The following TMTC1 variants were observed in gnomAD, a reference collection of about 807,000 sequenced individuals.
The protein encoded by TMTC1 is transmembrane O-mannosyltransferase targeting cadherins 1.
In TMTC1, 73 loss-of-function variants were observed where a neutral mutation model predicts 104.8. That is an observed-to-expected ratio of 0.70 (90% CI 0.58 to 0.85). The LOEUF (loss-of-function observed/expected upper bound fraction) is 0.85, where lower values mean the gene tolerates loss of function less well. TMTC1 is among the 40% of genes least tolerant of loss of function. The probability of loss-of-function intolerance (pLI) is 0.00; values close to 1 mark genes in which losing one functional copy is unlikely to be tolerated. For synonymous variants in TMTC1, 434 were observed against 428.7 expected, an observed-to-expected ratio of 1.01 and a Z score of -0.15; for missense variants, 1,035 against 1,096.1, an observed-to-expected ratio of 0.94 and a Z score of 0.79.
intron 5 of TMTC1, among the ~76,000 whole-genome samples, chr12:29,660,434 A>AG (rs1419814844): frequency 6.6e-6 from 1 of 152,172 alleles, no homozygotes; most frequent in Non-Finnish European, 1.5e-5. Context: ...GGGCAAATAC[A>AG]GGGTTGTTAT....
chr12:29,547,357 G>A (rs756308621), intron 10 of TMTC1, among the ~76,000 whole-genome samples: 39 of 152,138 alleles, frequency 2.6e-4, no homozygotes, highest in African/African-American at 8.7e-4. Flanking sequence ...TTAAAACAAC[G>A]CAACCTCAAC....
intron 7 of TMTC1, among the ~76,000 whole-genome samples, chr12:29,591,939 T>C (rs1946294510): frequency 2.1e-5 from 2 of 96,528 alleles, no homozygotes; most frequent in Admixed American, 1.8e-4. Flanking sequence ...AAAACACTTC[T>C]CATTCACATT....
chr12:29,676,105 A>G (rs977817164), intron 5 of TMTC1, among the ~76,000 whole-genome samples: 26 of 152,260 alleles, frequency 1.7e-4, no homozygotes, highest in African/African-American at 6.3e-4. Flanking sequence ...GTGCCTAAAT[A>G]ATCTTAGCTG....
chr12:29,784,440 T>TCCTGCCCGGGCTTTCTCTCA (rs1943911319), upstream of TMTC1: 5 of 152,232 alleles, frequency 3.3e-5, no homozygotes, highest in South Asian at 1.0e-3. Context: ...CTCTGTGCTC[T>TCCTGCCCGGGCTTTCTCTCA]CCTGCCCGGG....
chr12:29,736,260 C>CAA (rs1942670417), intron 5 of TMTC1, among the ~76,000 whole-genome samples: 1 of 57,514 alleles, frequency 1.7e-5, no homozygotes. Flanking sequence ...TTAGGTAAAG[C>CAA]CAAAAAAAAA....
chr12:29,714,728 A>C (rs1942030740), intron 5 of TMTC1, among the ~76,000 whole-genome samples: 1 of 152,248 alleles, frequency 6.6e-6, no homozygotes, highest in African/African-American at 2.4e-5. Context: ...CGCACATCCC[A>C]ACAAGGATCA....
Position 29,783,525 on chromosome 12 carries a change from T to C in TMTC1, c.227A>G (p.Asn76Ser), listed in dbSNP as rs905633890. ...GGCCATGCCCTTGCCCCAGAAGTCG[T>C]TGGTGAAGATGCCCCAGCGGAGCGG... ...GAPLRWGIFT[N>S]DFWGKGMAEN... The change falls in exon 1 of 18, where the codon AAC becomes AGC. Residue 76 changes from asparagine (N) to serine (S), a missense_variant. By Grantham distance (46) the Asn-to-Ser change is conservative (BLOSUM62 1). Coordinates refer to ENST00000539277, the MANE Select transcript of TMTC1 (RefSeq NM_001193451.2). The surrounding 1 kb of genome is among the most constrained non-coding windows in gnomAD (Gnocchi z 4.7). The C allele has an allele frequency of 4.8e-6, 7 of 1,455,866 alleles. No homozygotes were observed. In the Admixed American group the frequency reaches 1.4e-4, roughly 29 times the overall value. 90.2% of individuals were successfully genotyped at this position (1,455,866 alleles called of 1,614,324 possible). A position where few individuals can be genotyped will look rare whatever the true frequency, so the allele number is the denominator to read the frequency against.
rs113682819 is a variant in TMTC1 at position 29,655,488 on chromosome 12, G to A, written c.939-22152C>T. 9.7e-3 allele frequency among the ~76,000 whole-genome samples: 1,479 copies of A among 152,182 alleles called. 12 individuals are homozygous for A. The highest frequency in any genetic ancestry group is 0.034 in the African/African-American group (1,393 of 41,508). ...GTACATTAAATTCTAAGATGACAAC[G>A]TTGTAAAATATAGTAAGCAGCAAAT... On this transcript the variant is annotated intron_variant, in intron 5 of 17. Transcript: ENST00000539277.
chr12:29,751,998 G>T, intron 4 of TMTC1, 126 bp from the exon 5 acceptor site: 1 of 875,820 alleles, frequency 1.1e-6, no homozygotes, highest in Non-Finnish European at 1.7e-6. Flanking sequence ...CAAGTCTTTA[G>T]CCCTTGTGTT....
At position 29,782,075 on chromosome 12, in the gene TMTC1, G is replaced by A. The variant is rs140308636; in HGVS notation, c.302+1375C>T. Among the ~76,000 whole-genome samples, 10 of 152,268 alleles carry A rather than the reference G, an allele frequency of 6.6e-5. No individual in the cohort carries two copies. The East Asian group carries it at 1.9e-3, about 29-fold the overall frequency. ...AACCAACAACCCTGACTGTAATAAT[G>A]AAAAAGCAGGTCAATCTAGAAGTGA... On this transcript the variant is annotated intron_variant, in intron 1 of 17. Transcript: ENST00000539277.
At chr12:29,761,220 A>T (rs1943341644) in intron 2 of TMTC1, among the ~76,000 whole-genome samples, 1 of 150,916 alleles carries the variant, frequency 6.6e-6, no homozygotes, top group Admixed American at 6.6e-5. Flanking sequence ...TTCATACTAA[A>T]GGAGACTAAT....
intron 6 of TMTC1, among the ~76,000 whole-genome samples, chr12:29,605,824 C>T (rs1021927584): frequency 9.9e-5 from 15 of 152,138 alleles, no homozygotes; most frequent in African/African-American, 3.4e-4. Context: ...GAGTGAAAAT[C>T]GTACCCAATA....
intron 5 of TMTC1, among the ~76,000 whole-genome samples, chr12:29,659,373 G>A (rs1939908588): frequency 6.6e-6 from 1 of 152,144 alleles, no homozygotes; most frequent in Non-Finnish European, 1.5e-5. Context: ...CCCTTCCTTG[G>A]AGGTAAGTTC....
intron 6 of TMTC1, among the ~76,000 whole-genome samples, chr12:29,624,469 C>T (rs573706055): frequency 6.6e-6 from 1 of 152,314 alleles, no homozygotes; most frequent in South Asian, 2.1e-4. Flanking sequence ...GTATCGCACA[C>T]ACTCGCTCCT....
At chr12:29,762,443 C>T (rs568938017) in intron 2 of TMTC1, among the ~76,000 whole-genome samples, 2 of 152,172 alleles carry the variant, frequency 1.3e-5, no homozygotes, top group East Asian at 3.9e-4. Flanking sequence ...TCCTGTGTGG[C>T]TTATAGAAAT....
intron 9 of TMTC1, among the ~76,000 whole-genome samples, chr12:29,564,017 G>A (rs939546800): frequency 6.6e-6 from 1 of 152,148 alleles, no homozygotes; most frequent in Non-Finnish European, 1.5e-5. Flanking sequence ...CAACAAAGGG[G>A]ACTGGGAGTG....
intron 5 of TMTC1, among the ~76,000 whole-genome samples, chr12:29,709,748 C>T (rs531449885): frequency 6.6e-6 from 1 of 152,246 alleles, no homozygotes; most frequent in Admixed American, 6.5e-5. Context: ...CTCTGCTTTC[C>T]AAAATGTGTT....
At chr12:29,653,096 T>C (rs1170545243) in intron 5 of TMTC1, among the ~76,000 whole-genome samples, 1 of 150,212 alleles carries the variant, frequency 6.7e-6, no homozygotes, top group African/African-American at 2.4e-5. Flanking sequence ...ATATATTTTT[T>C]ATTTATATAT....
chr12:29,703,477 C>A (rs1360367290), intron 5 of TMTC1, among the ~76,000 whole-genome samples: 1 of 152,136 alleles, frequency 6.6e-6, no homozygotes, highest in Admixed American at 6.5e-5. Context: ...TCTAATACCA[C>A]CTGCGAAATA....
Sources: allele counts gnomAD v4.1 joint callset (sites outside exome capture counted in the v4.1 genomes callset), GRCh38; gene constraint gnomAD v4.1.1; non-coding constraint Gnocchi (gnomAD v3.1); transcripts MANE v1.5; gene names NCBI Gene and HGNC (gene_info 2026-07-23, HGNC 2026-07-21).